The following PHF24 variants were observed in gnomAD, a reference collection of about 807,000 sequenced individuals.
PHF24 encodes the protein PHD finger protein 24, also known as Galpha inhibitory interacting protein.
In PHF24, 25 loss-of-function variants were observed where a neutral mutation model predicts 42.6. That is an observed-to-expected ratio of 0.59 (90% CI 0.43 to 0.82). The LOEUF is 0.82. Ranked by LOEUF, PHF24 falls within the 40% of genes least tolerant of loss-of-function variation. PHF24 has a pLI of 0.00. For missense variants in PHF24, 470 were observed against 538.1 expected (o/e 0.87, Z 1.25); for synonymous variants, 185 against 204.8 (o/e 0.90, Z 0.83).
chr9:34,729,404 C>T, the PHF24 span: 2 of 1,550,674 alleles, frequency 1.3e-6, no homozygotes, highest in African/African-American at 2.7e-5. Context: ...CAACTTCCCA[C>T]AGAACAAAAG....
At chr9:34,942,966 T>G in the PHF24 span, among the ~76,000 whole-genome samples, 1 of 152,088 alleles carries the variant, frequency 6.6e-6, no homozygotes, top group Non-Finnish European at 1.5e-5. Context: ...AACCTGCACA[T>G]TGTGCACTTG....
chr9:34,942,831 A>G, the PHF24 span, among the ~76,000 whole-genome samples: 1 of 151,824 alleles, frequency 6.6e-6, no homozygotes, highest in Non-Finnish European at 1.5e-5. Flanking sequence ...GGGGAACATC[A>G]CACACGGGAG....
chr9:34,917,640 C>T, the PHF24 span: 26 of 777,030 alleles, frequency 3.3e-5, no homozygotes, highest in Non-Finnish European at 5.0e-5. Context: ...AGTGGCTTCC[C>T]GGGGCCTCAG....
At chr9:34,789,713 C>A in the PHF24 span, among the ~76,000 whole-genome samples, 2 of 152,120 alleles carry the variant, frequency 1.3e-5, no homozygotes, top group South Asian at 2.1e-4. Context: ...AACTGTCAAA[C>A]TAAATAACAG....
the PHF24 span, among the ~76,000 whole-genome samples, chr9:34,765,486 G>A: frequency 6.7e-6 from 1 of 149,718 alleles, no homozygotes; most frequent in Admixed American, 6.7e-5. Flanking sequence ...ATCTTTGTTG[G>A]TTTAAAGTCT....
At chr9:34,667,018 TGGGA>T in the PHF24 span, among the ~76,000 whole-genome samples, 1 of 152,050 alleles carries the variant, frequency 6.6e-6, no homozygotes, top group Non-Finnish European at 1.5e-5. Flanking sequence ...GGGGTAGAGC[TGGGA>T]GGATCAAAAG....
the PHF24 span, among the ~76,000 whole-genome samples, chr9:34,744,168 T>C: frequency 3.3e-5 from 5 of 152,160 alleles, no homozygotes; most frequent in Non-Finnish European, 5.9e-5. Flanking sequence ...TCCTGAGCAA[T>C]TGTAATTCCA....
chr9:34,740,891 T>TC, the PHF24 span, among the ~76,000 whole-genome samples: 1 of 143,368 alleles, frequency 7.0e-6, no homozygotes, highest in Admixed American at 7.2e-5. Flanking sequence ...TCTCTCTCTC[T>TC]TTTTTTTTTT....
chr9:34,977,126 C>T (rs1258541629), exon 6 of PHF24: 5 of 1,612,894 alleles, frequency 3.1e-6, no homozygotes, highest in African/African-American at 1.3e-5. Context: ...CGGGAGCGAG[C>T]CCGAGCCGCC....
At chr9:34,765,748 G>A in the PHF24 span, among the ~76,000 whole-genome samples, 11 of 152,158 alleles carry the variant, frequency 7.2e-5, no homozygotes, top group South Asian at 2.1e-4. Context: ...TTGTTATGAT[G>A]TTAGCTGGTT....
At chr9:34,954,881 G>A (rs1270879139), upstream of PHF24, among the ~76,000 whole-genome samples, 1 of 152,158 alleles carries the variant, frequency 6.6e-6, no homozygotes. Context: ...AACTTATAGA[G>A]GCTCTCTATT....
At chr9:34,695,502 G>A in the PHF24 span, among the ~76,000 whole-genome samples, 2 of 152,340 alleles carry the variant, frequency 1.3e-5, no homozygotes, top group South Asian at 2.1e-4. Context: ...CCCCAGGTGG[G>A]TTGTGGAAAC....
At chr9:34,749,329 G>T in the PHF24 span, among the ~76,000 whole-genome samples, 2 of 152,118 alleles carry the variant, frequency 1.3e-5, no homozygotes, top group African/African-American at 2.4e-5. Context: ...CAAACCTAGA[G>T]AAAGACATCA....
At chr9:34,895,539 G>A in the PHF24 span, 1 of 398,544 alleles carries the variant, frequency 2.5e-6, no homozygotes. Context: ...AATCTTGTTT[G>A]AGGCACATCA....
chr9:34,666,751 G>C, the PHF24 span, among the ~76,000 whole-genome samples: 1 of 152,084 alleles, frequency 6.6e-6, no homozygotes, highest in Admixed American at 6.5e-5. Context: ...TTCAAGACCA[G>C]CCTGGCCAAG....
the PHF24 span, among the ~76,000 whole-genome samples, chr9:34,865,691 T>G: frequency 3.9e-5 from 6 of 152,248 alleles, no homozygotes; most frequent in African/African-American, 1.4e-4. Context: ...GGTCCTCTGC[T>G]TCAGTCTCTC....
At chr9:34,975,531 A>T (rs1827155548) in intron 3 of PHF24, among the ~76,000 whole-genome samples, 1 of 152,186 alleles carries the variant, frequency 6.6e-6, no homozygotes, top group African/African-American at 2.4e-5. Flanking sequence ...ACTGTATGGT[A>T]ACGTCAACAC....
the PHF24 span, chr9:34,834,739 G>T: frequency 6.5e-7 from 1 of 1,539,408 alleles, no homozygotes; most frequent in Non-Finnish European, 8.8e-7. Context: ...GCCACTCCAA[G>T]GCTTCATACT....
the PHF24 span, chr9:34,680,999 C>A: frequency 6.6e-6 from 1 of 152,210 alleles, no homozygotes; most frequent in South Asian, 2.1e-4. Context: ...GGCTGTGTGA[C>A]CCACTTTGGC....
Sources: allele counts gnomAD v4.1 joint callset (sites outside exome capture counted in the v4.1 genomes callset), GRCh38; gene constraint gnomAD v4.1.1; transcripts MANE v1.5; gene names NCBI Gene and HGNC (gene_info 2026-07-23, HGNC 2026-07-21).